Variants in AGO4 observed in about 807,000 individuals in gnomAD.
AGO4 encodes argonaute RISC component 4, also known as protein argonaute-4.
In AGO4, 33 loss-of-function variants were observed where a neutral mutation model predicts 104.7. The ratio of observed to expected loss-of-function variants is 0.32; its 90% CI spans 0.24 to 0.42. The LOEUF is 0.42. Among genes scored for constraint, AGO4 ranks in the 10% least tolerant of loss-of-function variants. The pLI, the probability that AGO4 is intolerant of heterozygous loss-of-function variation, is 1.00. For missense variants in AGO4, 711 were observed against 1,083.4 expected (o/e 0.66, Z 4.83); for synonymous variants, 331 against 364.7 (o/e 0.91, Z 1.05).
At chr1:35,829,806 A>C (rs1370675481) in intron 7 of AGO4, among the ~76,000 whole-genome samples, 1 of 137,924 alleles carries the variant, frequency 7.3e-6, no homozygotes, top group African/African-American at 2.7e-5. Context: ...CCGAGATTGC[A>C]CTCTAGCCTG....
rs1243288553 is a variant in AGO4, at chr1:35,857,182, C to T, written c.*3577C>T. ...ACCCTCTCCACCCTGTCCTAACGAC[C>T]TTTTGTGAATGTGCTGTGATATTTT... is the stretch of plus-strand genomic sequence containing the variant. On this transcript the variant is annotated 3_prime_UTR_variant, in exon 18 of 18. Transcript: ENST00000373210. 1 of 152,146 alleles carries T rather than the reference C, an allele frequency of 6.6e-6. No homozygotes were observed. Among genetic ancestry groups the T allele is most frequent in the African/African-American group, 2.4e-5 (1 of 41,432 alleles). 9.4% of individuals were successfully genotyped at this position (152,146 alleles called of 1,614,324 possible). A position where few individuals can be genotyped will look rare whatever the true frequency, so the allele number is the denominator to read the frequency against.
In AGO4 at chr1:35,808,522, C is replaced by G. The variant is rs967022795; in HGVS notation, c.19+87C>G. The stretch of plus-strand genomic sequence containing the variant: ...GACTTTCGCTGCCCCGTCGCCTCGC[C>G]GGGTTCGGGCCGCCAGGCCTCGGGG... On this transcript the variant is annotated intron_variant, in intron 1 of 17. Coordinates refer to ENST00000373210, the MANE Select transcript of AGO4 (RefSeq NM_017629.4). The surrounding 1 kb of genome is among the most constrained non-coding windows in gnomAD (Gnocchi z 5.2). The G allele has an allele frequency of 7.1e-6, 8 of 1,118,900 alleles. No individual in the cohort carries two copies. The African/African-American group carries it at 8.2e-5, about 11-fold the overall frequency. 69.3% of individuals were successfully genotyped at this position (1,118,900 alleles called of 1,614,324 possible). A position where few individuals can be genotyped will look rare whatever the true frequency, so the allele number is the denominator to read the frequency against.
In AGO4 at chr1:35,851,002, G is replaced by A. The variant is rs1361069371; in HGVS notation, c.2426G>A (p.Arg809Gln). 6.2e-7 allele frequency: 1 copy of A among 1,613,860 alleles called. No homozygotes were observed. The highest frequency in any genetic ancestry group is 8.5e-7 in the Non-Finnish European group (1 of 1,179,968). The change falls in exon 17 of 18, where the codon CGG becomes CAG. Residue 809 changes from arginine to glutamine, a missense_variant. This residue lies in a region of AGO4 where 401 missense variants were observed against 665.5 expected (regional missense o/e 0.60). Transcript: ENST00000373210. ...VSIPAPAYYA[R>Q]LVAFRARYHL... ...ATTCCAGCCCCTGCATATTATGCCCGGCTTGTAGCATTTAGGGCAAGGTAT... is the reference window on the plus strand; with the variant it reads ...ATTCCAGCCCCTGCATATTATGCCCAGCTTGTAGCATTTAGGGCAAGGTAT...
intron 11 of AGO4, among the ~76,000 whole-genome samples, chr1:35,833,417 G>A (rs1644233009): frequency 6.6e-6 from 1 of 152,198 alleles, no homozygotes; most frequent in South Asian, 2.1e-4. Flanking sequence ...TACATAGATT[G>A]AAGTAACTTC....
At chr1:35,837,230 A>C (rs915321143) in intron 13 of AGO4, among the ~76,000 whole-genome samples, 1 of 152,072 alleles carries the variant, frequency 6.6e-6, no homozygotes, top group Non-Finnish European at 1.5e-5. Context: ...TTACAGGTGC[A>C]CACCACCATG....
In AGO4 at chr1:35,809,079, G is replaced by A. The variant is rs12039648; in HGVS notation, c.19+644G>A. Among the ~76,000 whole-genome samples the A allele has an allele frequency of 5.3e-5, 8 of 152,326 alleles. No individual in the cohort carries two copies. The East Asian group carries it at 1.5e-3, about 29-fold the overall frequency. Reference sequence around the variant, plus strand: ...GAGCCAGCCTTTGAGTGACACAGGAGTTGCCAGTCAGTCTGCTCCACCACA... The same window carrying A: ...GAGCCAGCCTTTGAGTGACACAGGAATTGCCAGTCAGTCTGCTCCACCACA... On this transcript the variant is annotated intron_variant, in intron 1 of 17. Transcript: ENST00000373210.
At chr1:35,815,737 C>G (rs1186820373) in intron 1 of AGO4, among the ~76,000 whole-genome samples, 1 of 152,124 alleles carries the variant, frequency 6.6e-6, no homozygotes, top group Admixed American at 6.6e-5. Flanking sequence ...GGGGGGCTAT[C>G]TTATGCATTG....
Position 35,853,509 on chromosome 1 carries a change from T to C in AGO4, c.2490T>C (p.Ser830=), listed in dbSNP as rs1644755172. Residue 830 remains serine (S), a synonymous_variant, in exon 18 of 18, where the codon AGT becomes AGC. Coordinates refer to ENST00000373210, the MANE Select transcript of AGO4 (RefSeq NM_017629.4). ...VDKDHDSAEG[S]HVSGQSNGRD... The stretch of plus-strand genomic sequence containing the variant: ...ATTCTCTTTACAGTGCGGAAGGCAG[T>C]CATGTGTCAGGACAGAGCAACGGCC... 2 of 1,612,562 alleles carry C rather than the reference T, an allele frequency of 1.2e-6. No homozygotes were observed. The highest frequency in any genetic ancestry group is 4.5e-5 in the East Asian group (2 of 44,826).
In AGO4 at chr1:35,841,973, A is replaced by G. The variant is rs1259226366; in HGVS notation, c.2175+223A>G. 2.0e-5 allele frequency among the ~76,000 whole-genome samples: 3 copies of G among 152,080 alleles called. No individual in the cohort carries two copies. The highest frequency in any genetic ancestry group is 7.2e-5 in the African/African-American group (3 of 41,386). ...ATTTTATTTCTCTTGTATAACAGAA[A>G]TGCTGATTTCTCGAGTTGTTTTTGT... On this transcript the variant is annotated intron_variant, in intron 15 of 17. Coordinates refer to ENST00000373210, the MANE Select transcript of AGO4 (RefSeq NM_017629.4). The surrounding 1 kb of genome is among the most constrained non-coding windows in gnomAD (Gnocchi z 4.7).
At chr1:35,844,138 C>G (rs1644512025) in intron 15 of AGO4, among the ~76,000 whole-genome samples, 1 of 152,078 alleles carries the variant, frequency 6.6e-6, no homozygotes, top group Admixed American at 6.6e-5. Context: ...TGCCCCCAGG[C>G]TCAGGTGATC....
chr1:35,810,896 TTG>T (rs1643478089), intron 1 of AGO4, among the ~76,000 whole-genome samples: 1 of 151,356 alleles, frequency 6.6e-6, no homozygotes, highest in South Asian at 2.1e-4. Flanking sequence ...CTTTGGGAGG[TTG>T]AGGTGGGCGG....
In AGO4 at chr1:35,832,423, T is replaced by C. The variant is rs1644208354; in HGVS notation, c.1246-14T>C. On this transcript the variant is annotated splice_polypyrimidine_tract_variant and intron_variant, in intron 10 of 17. Transcript: ENST00000373210. The stretch of plus-strand genomic sequence containing the variant: ...TTCTTCTTCTTCTTCTTCTTCTTTT[T>C]TTTTTTTTCAAAGAATAAAACAGTA... 1 of 1,559,748 alleles carries C rather than the reference T, an allele frequency of 6.4e-7. No individual in the cohort carries two copies.
Position 35,841,703 on chromosome 1 carries a change from CAA to C in AGO4, c.2133_2134del (p.Arg712ThrfsTer10). The C allele has an allele frequency of 6.3e-7, 1 of 1,575,170 alleles. No individual in the cohort carries two copies. Among genetic ancestry groups the C allele is most frequent in the Non-Finnish European group, 8.7e-7 (1 of 1,155,858 alleles). On this transcript the variant is annotated frameshift_variant, in exon 15 of 18. Coordinates refer to ENST00000373210, the MANE Select transcript of AGO4 (RefSeq NM_017629.4). LOFTEE classifies it high-confidence loss of function. This position sits in a 1 kb window ranked among gnomAD's most constrained non-coding sequence, Gnocchi z 4.7. ...GCCAGGAATAACTTATATTGTGGTGCAAAAAAGACATCACACACGACTCTTCT... is the reference window on the plus strand; with the variant it reads ...GCCAGGAATAACTTATATTGTGGTGCAAAAGACATCACACACGACTCTTCT... ...YRPGITYIVV[Q>X]KRHHTRLFCA...
At position 35,853,647 on chromosome 1, in the gene AGO4, A is replaced by G. The variant is rs763948680; in HGVS notation, c.*42A>G. On this transcript the variant is annotated 3_prime_UTR_variant, in exon 18 of 18. Coordinates refer to ENST00000373210, the MANE Select transcript of AGO4 (RefSeq NM_017629.4). Reference sequence around the variant, plus strand: ...ACTCAACCAATTTGGCACCCCATGCAGCCTCAAAATGTTTCAAATGCCTAC... The same window carrying G: ...ACTCAACCAATTTGGCACCCCATGCGGCCTCAAAATGTTTCAAATGCCTAC... 9 of 1,579,700 alleles carry G rather than the reference A, an allele frequency of 5.7e-6. No homozygotes were observed. The highest frequency in any genetic ancestry group is 7.0e-6 in the Non-Finnish European group (8 of 1,150,966).
intron 17 of AGO4, among the ~76,000 whole-genome samples, chr1:35,851,524 A>G (rs899689569): frequency 6.6e-6 from 1 of 152,226 alleles, no homozygotes; most frequent in Admixed American, 6.5e-5. Context: ...CTCACTCTCA[A>G]ATAGGCATCT....
chr1:35,824,333 T>C (rs1643959932), intron 3 of AGO4, among the ~76,000 whole-genome samples: 3 of 152,154 alleles, frequency 2.0e-5, no homozygotes, highest in African/African-American at 7.2e-5. Context: ...AGCTGCTATT[T>C]ATACATATGT....
intron 2 of AGO4, among the ~76,000 whole-genome samples, chr1:35,818,079 TAAAGAA>T (rs1643768182): frequency 6.6e-6 from 1 of 151,658 alleles, no homozygotes; most frequent in South Asian, 2.1e-4. Context: ...ATAAATGCAA[TAAAGAA>T]AAAGAAAATA....
intron 10 of AGO4, 55 bp from the exon 11 acceptor site, chr1:35,832,382 T>A (rs1158642713): frequency 6.6e-7 from 1 of 1,524,246 alleles, no homozygotes; most frequent in Non-Finnish European, 8.7e-7. Context: ...GTAATGTCTT[T>A]TCTCTTTTCT....
rs748068799 is a variant in AGO4, at chr1:35,832,449, G to A, written c.1258G>A (p.Ala420Thr). ...LQYGGRNKTVATPNQGVWDMR... is the reference protein window; with the variant it reads ...LQYGGRNKTVTTPNQGVWDMR... Reference sequence around the variant, plus strand: ...TTTTTTTTCAAAGAATAAAACAGTAGCCACACCCAACCAGGGTGTCTGGGA... The same window carrying A: ...TTTTTTTTCAAAGAATAAAACAGTAACCACACCCAACCAGGGTGTCTGGGA... Residue 420 changes from alanine to threonine, a missense_variant, in exon 11 of 18, where the codon GCC becomes ACC. This residue lies in a region of AGO4 where 401 missense variants were observed against 665.5 expected (regional missense o/e 0.60). Coordinates refer to ENST00000373210, the MANE Select transcript of AGO4 (RefSeq NM_017629.4). 2 of 1,591,794 alleles carry A rather than the reference G, an allele frequency of 1.3e-6. No homozygotes were observed. Among genetic ancestry groups the A allele is most frequent in the Admixed American group, 1.8e-5 (1 of 54,630 alleles).
Sources: allele counts gnomAD v4.1 joint callset (sites outside exome capture counted in the v4.1 genomes callset), GRCh38; gene constraint gnomAD v4.1.1; regional missense constraint gnomAD v4.1.1; non-coding constraint Gnocchi (gnomAD v3.1); transcripts MANE v1.5; gene names NCBI Gene and HGNC (gene_info 2026-07-23, HGNC 2026-07-21).